MALRD1: variants seen among roughly 807,000 people sequenced by gnomAD.
The protein encoded by MALRD1 is MAM and LDL receptor class A domain containing 1, also known as MAM and LDL-receptor class A domain-containing protein 1.
Under a neutral mutation model 242.1 loss-of-function variants are expected in MALRD1, and 247 were observed. The ratio of observed to expected loss-of-function variants is 1.02; its 90% confidence interval spans 0.92 to 1.13. The LOEUF (loss-of-function observed/expected upper bound fraction) is 1.13. Ranked by LOEUF, MALRD1 falls within the 50% of genes most tolerant of loss-of-function variation. The pLI is 0.00. For missense variants in MALRD1, 2,989 were observed against 2,533.1 expected, an observed-to-expected ratio of 1.18 and a Z score of -3.86; for synonymous variants, 995 against 866.6, an observed-to-expected ratio of 1.15 and a Z score of -2.60.
intron 36 of MALRD1, among the ~76,000 whole-genome samples, chr10:19,629,692 A>G (rs927005037): frequency 6.6e-6 from 1 of 152,108 alleles, no homozygotes; most frequent in African/African-American, 2.4e-5. Context: ...CAAGAGACAC[A>G]GCTCAGTGGT....
intron 31 of MALRD1, among the ~76,000 whole-genome samples, chr10:19,515,939 G>T (rs573238971): frequency 5.3e-5 from 8 of 152,238 alleles, no homozygotes; most frequent in Non-Finnish European, 1.0e-4. Context: ...GGGAATTTTA[G>T]ATTACTTACA....
chr10:19,182,798 G>A (rs1317281009), intron 14 of MALRD1, among the ~76,000 whole-genome samples: 2 of 152,210 alleles, frequency 1.3e-5, no homozygotes, highest in East Asian at 3.9e-4. Context: ...GAGGAGAAAC[G>A]ATGCCCTTAG....
At chr10:19,088,568 T>TG (rs1835762946) in intron 4 of MALRD1, among the ~76,000 whole-genome samples, 1 of 89,226 alleles carries the variant, frequency 1.1e-5, no homozygotes, top group Non-Finnish European at 2.2e-5. Flanking sequence ...ATAAAGTTTT[T>TG]TTTTATTTAT....
chr10:19,607,374 C>T (rs915096064), intron 34 of MALRD1, among the ~76,000 whole-genome samples: 1 of 152,128 alleles, frequency 6.6e-6, no homozygotes, highest in African/African-American at 2.4e-5. Context: ...CAGATGGCTG[C>T]CTTCTTGCTG....
intron 8 of MALRD1, among the ~76,000 whole-genome samples, chr10:19,132,119 C>T (rs1833133670): frequency 6.6e-6 from 1 of 151,980 alleles, no homozygotes; most frequent in Non-Finnish European, 1.5e-5. Context: ...TAAGTGCACC[C>T]ATCTTCAGGG....
intron 7 of MALRD1, among the ~76,000 whole-genome samples, chr10:19,126,267 A>T (rs1003123997): frequency 6.6e-6 from 1 of 152,172 alleles, no homozygotes; most frequent in African/African-American, 2.4e-5. Flanking sequence ...CACATATATC[A>T]TCACTTGCAG....
At chr10:19,482,972 G>C (rs919285026) in intron 29 of MALRD1, among the ~76,000 whole-genome samples, 1 of 151,736 alleles carries the variant, frequency 6.6e-6, no homozygotes, top group Non-Finnish European at 1.5e-5. Flanking sequence ...CCATAAAAGA[G>C]CCCAAATAGC....
At chr10:19,076,050 T>A (rs1045232492) in intron 2 of MALRD1, among the ~76,000 whole-genome samples, 3 of 151,930 alleles carry the variant, frequency 2.0e-5, no homozygotes, top group Non-Finnish European at 4.4e-5. Context: ...TGGGGGAAAA[T>A]CCCTGGGCTT....
At chr10:19,124,997 A>T (rs1005704921) in intron 7 of MALRD1, among the ~76,000 whole-genome samples, 1 of 113,668 alleles carries the variant, frequency 8.8e-6, no homozygotes, top group Non-Finnish European at 1.7e-5. Flanking sequence ...CCAGGCTGGA[A>T]TGCAGTGGTG....
intron 21 of MALRD1, among the ~76,000 whole-genome samples, chr10:19,302,225 C>G (rs899074776): frequency 1.3e-5 from 2 of 151,780 alleles, no homozygotes; most frequent in African/African-American, 4.8e-5. Context: ...AAAAGTCAAA[C>G]AGAATTATAT....
Position 19,331,457 on chromosome 10 carries a change from G to A in MALRD1, c.3776G>A (p.Ser1259Asn). The part of the protein sequence containing the change: ...ISFQDCSPLL[S>N]PERKCTDHEF... ...TTCCAAGATTGCTCCCCTTTGCTTA[G>A]CCCAGAGAGAAAGTGTACTGATCAT... Residue 1259 changes from serine (S) to asparagine (N), a missense_variant, in exon 24 of 40, where the codon AGC (serine) becomes AAC (asparagine). Coordinates refer to ENST00000454679, the MANE Select transcript of MALRD1 (RefSeq NM_001142308.3). The A allele has an allele frequency of 6.4e-7, 1 of 1,550,468 alleles. No individual in the cohort carries two copies. Among genetic ancestry groups the A allele is most frequent in the Non-Finnish European group, 8.7e-7 (1 of 1,146,854 alleles).
intron 29 of MALRD1, among the ~76,000 whole-genome samples, chr10:19,484,183 C>A (rs1043734684): frequency 1.3e-5 from 2 of 152,136 alleles, no homozygotes; most frequent in Admixed American, 1.3e-4. Flanking sequence ...AGCTCACTAC[C>A]TAGGTGACAG....
In MALRD1 at chr10:19,068,161, G is replaced by A. The variant is rs139294695; in HGVS notation, c.340+1302G>A. Reference sequence around the variant, plus strand: ...ATTTTTACTCAGAAGGCTTTTTACAGCACATATTTATTTACTGTAGACTTT... The same window carrying A: ...ATTTTTACTCAGAAGGCTTTTTACAACACATATTTATTTACTGTAGACTTT... On this transcript the variant is annotated intron_variant, in intron 2 of 39. Transcript: ENST00000454679. 8.2e-4 allele frequency among the ~76,000 whole-genome samples: 124 copies of A among 151,924 alleles called. 4 individuals are homozygous for A. In the East Asian group the frequency reaches 0.02, roughly 24 times the overall value.
chr10:19,136,343 T>A (rs1215049133), intron 9 of MALRD1, among the ~76,000 whole-genome samples: 1 of 151,858 alleles, frequency 6.6e-6, no homozygotes, highest in Non-Finnish European at 1.5e-5. Flanking sequence ...CCATCAGTTT[T>A]TTTTTTTTTT....
At chr10:19,681,243 A>G (rs1220314370) in intron 36 of MALRD1, among the ~76,000 whole-genome samples, 2 of 152,142 alleles carry the variant, frequency 1.3e-5, no homozygotes, top group Admixed American at 1.3e-4. Context: ...GATATCGTGA[A>G]GTATGTTTTC....
At chr10:19,349,953 T>C (rs1488107558) in intron 25 of MALRD1, among the ~76,000 whole-genome samples, 2 of 152,130 alleles carry the variant, frequency 1.3e-5, no homozygotes, top group East Asian at 1.9e-4. Flanking sequence ...AATAATGAAG[T>C]ATGCCTAGAA....
chr10:19,523,830 G>C (rs1833979281), intron 31 of MALRD1, among the ~76,000 whole-genome samples: 1 of 151,742 alleles, frequency 6.6e-6, no homozygotes, highest in East Asian at 1.9e-4. Flanking sequence ...TACTGCGGGG[G>C]GCGCATGGGG....
chr10:19,413,018 T>C (rs1833339957), intron 28 of MALRD1, among the ~76,000 whole-genome samples: 2 of 152,138 alleles, frequency 1.3e-5, no homozygotes, highest in African/African-American at 4.8e-5. Flanking sequence ...TGAATCTCTT[T>C]ATGTAAAGAG....
chr10:19,689,431 A>G (rs1454589382), intron 36 of MALRD1, among the ~76,000 whole-genome samples: 3 of 152,136 alleles, frequency 2.0e-5, no homozygotes, highest in Admixed American at 6.6e-5. Context: ...TCACGTGACC[A>G]TTTTACAAGG....
Sources: gnomAD v4.1 joint callset for allele counts (sites outside exome capture counted in the v4.1 genomes callset) on GRCh38, gnomAD v4.1.1 for gene constraint, MANE v1.5 for transcripts, NCBI Gene and HGNC (gene_info 2026-07-23, HGNC 2026-07-21) for gene names.